PMFBP1: variants seen among roughly 807,000 people sequenced by gnomAD.
PMFBP1 encodes the protein polyamine-modulated factor 1-binding protein 1.
In PMFBP1, 131 loss-of-function variants were observed where a neutral mutation model predicts 137.8. That is an observed-to-expected ratio of 0.95 (90% CI 0.82 to 1.10). The LOEUF is 1.10. PMFBP1 is among the 50% of genes least tolerant of loss of function. The probability of loss-of-function intolerance (pLI) is 0.00; values close to 1 mark genes in which losing one functional copy is unlikely to be tolerated. For synonymous variants in PMFBP1, 490 were observed against 450.4 expected, an observed-to-expected ratio of 1.09 and a Z score of -1.11; for missense variants, 1,199 against 1,175.4, an observed-to-expected ratio of 1.02 and a Z score of -0.29.
the PMFBP1 span, among the ~76,000 whole-genome samples, chr16:72,239,893 A>G: frequency 7.1e-6 from 1 of 141,236 alleles, no homozygotes; most frequent in South Asian, 2.1e-4. Flanking sequence ...TACAAAAAAA[A>G]AAAAAAAGAA....
At chr16:72,133,185 AT>A (rs2042574916) in intron 9 of PMFBP1, among the ~76,000 whole-genome samples, 194 bp from the exon 10 acceptor site, 1 of 151,680 alleles carries the variant, frequency 6.6e-6, no homozygotes, top group Admixed American at 6.6e-5. Flanking sequence ...TATAATTATT[AT>A]TATTGTTATT....
In PMFBP1 at chr16:72,136,397, T is replaced by C; in HGVS notation, c.1203+51A>G. On this transcript the variant is annotated intron_variant, in intron 9 of 20. Coordinates refer to ENST00000237353, the MANE Select transcript of PMFBP1 (RefSeq NM_031293.3). ...GGCAGAACCGGTTAATGCCAGGACA[T>C]GGCCTCACACCTGCCCCATTGGGAA... 1.9e-6 allele frequency: 3 copies of C among 1,582,278 alleles called. No individual in the cohort carries two copies. The South Asian group carries it at 3.5e-5, about 18-fold the overall frequency.
chr16:72,133,271 C>T (rs2042576076), intron 9 of PMFBP1, among the ~76,000 whole-genome samples: 1 of 151,938 alleles, frequency 6.6e-6, no homozygotes, highest in Non-Finnish European at 1.5e-5. Context: ...TGCAATCTCC[C>T]ATGTTCAAGC....
the PMFBP1 span, among the ~76,000 whole-genome samples, chr16:72,232,128 T>C: frequency 6.6e-6 from 1 of 152,184 alleles, no homozygotes; most frequent in Non-Finnish European, 1.5e-5. Flanking sequence ...GCTGTGACTA[T>C]AATGTTCACT....
the PMFBP1 span, among the ~76,000 whole-genome samples, chr16:72,249,243 G>C: frequency 0.089 from 13,552 of 151,920 alleles, 1,691 homozygotes; most frequent in African/African-American, 0.28. Flanking sequence ...CTGCCTGTAA[G>C]TTGAGTAGAG....
chr16:72,201,672 CACA>C, the PMFBP1 span, among the ~76,000 whole-genome samples: 9 of 152,350 alleles, frequency 5.9e-5, no homozygotes, highest in East Asian at 1.2e-3. Flanking sequence ...TATATTCAAT[CACA>C]ACATTTACCT....
chr16:72,123,630 C>T lies in PMFBP1; in HGVS notation c.2609G>A (p.Trp870Ter). ...DDKEPCCLPQ[W>*]SVPKDTCRLY... ...CCTACAGGTGTCTTTGGGCACAGAC[C>T]ACTGGGGCAGGCAGCAGGGCTTGGG... Residue 870 changes from tryptophan (W) to a stop codon, truncating the protein, a stop_gained, in exon 18 of 21, where the codon TGG becomes TAG. Coordinates refer to ENST00000237353, the MANE Select transcript of PMFBP1 (RefSeq NM_031293.3). LOFTEE classifies it high-confidence loss of function. 6.2e-7 allele frequency: 1 copy of T among 1,613,884 alleles called. No individual in the cohort carries two copies. Among genetic ancestry groups the T allele is most frequent in the Non-Finnish European group, 8.5e-7 (1 of 1,179,818 alleles).
chr16:72,241,831 C>G, the PMFBP1 span, among the ~76,000 whole-genome samples: 1 of 152,148 alleles, frequency 6.6e-6, no homozygotes, highest in South Asian at 2.1e-4. Context: ...AATTCATACC[C>G]CCAAATGGCT....
the PMFBP1 span, among the ~76,000 whole-genome samples, chr16:72,186,535 A>G: frequency 6.6e-6 from 1 of 152,146 alleles, no homozygotes; most frequent in Non-Finnish European, 1.5e-5. Context: ...TAGAGGCAAC[A>G]GGGAGCCATG....
At chr16:72,176,622 C>T (rs911129320), upstream of PMFBP1, among the ~76,000 whole-genome samples, 5 of 152,204 alleles carry the variant, frequency 3.3e-5, no homozygotes, top group African/African-American at 1.2e-4. Context: ...GGTGTTCCAC[C>T]AGCCATCTGG....
At chr16:72,229,026 C>T in the PMFBP1 span, among the ~76,000 whole-genome samples, 3 of 151,878 alleles carry the variant, frequency 2.0e-5, no homozygotes, top group Non-Finnish European at 2.9e-5. Context: ...CTCAAGTAAG[C>T]CCAATGTCTA....
At chr16:72,156,942 C>T (rs1323080963) in intron 3 of PMFBP1, among the ~76,000 whole-genome samples, 1 of 151,776 alleles carries the variant, frequency 6.6e-6, no homozygotes, top group Middle Eastern at 3.4e-3. Context: ...AATCCCAGCA[C>T]TTTGGGAGGC....
the PMFBP1 span, among the ~76,000 whole-genome samples, chr16:72,182,619 A>G: frequency 6.6e-6 from 1 of 152,206 alleles, no homozygotes; most frequent in Non-Finnish European, 1.5e-5. Flanking sequence ...TTATTAATTC[A>G]AAAGTGCTGA....
At chr16:72,196,899 G>T in the PMFBP1 span, among the ~76,000 whole-genome samples, 4 of 152,308 alleles carry the variant, frequency 2.6e-5, no homozygotes, top group East Asian at 7.7e-4. Context: ...TTGCTGATAG[G>T]CTCTACAATC....
intron 19 of PMFBP1, among the ~76,000 whole-genome samples, chr16:72,121,471 T>C (rs1452160264): frequency 6.6e-6 from 1 of 152,206 alleles, no homozygotes; most frequent in African/African-American, 2.4e-5. Flanking sequence ...AACTCAGCCA[T>C]GTACCTAAGG....
chr16:72,175,739 G>C (rs1386541498), upstream of PMFBP1, among the ~76,000 whole-genome samples: 1 of 152,082 alleles, frequency 6.6e-6, no homozygotes, highest in East Asian at 1.9e-4. Context: ...CTTATGTTGG[G>C]CTTTAGATTT....
At chr16:72,200,686 T>C in the PMFBP1 span, among the ~76,000 whole-genome samples, 6 of 152,374 alleles carry the variant, frequency 3.9e-5, no homozygotes, top group East Asian at 7.7e-4. Context: ...CGTTAATCTA[T>C]AGTCAAGGAA....
chr16:72,130,504 T>C (rs2042533729), intron 11 of PMFBP1, 29 bp downstream of exon 11: 7 of 1,612,808 alleles, frequency 4.3e-6, no homozygotes, highest in African/African-American at 2.7e-5. Flanking sequence ...ACAGAACCTC[T>C]CTCTGGAGGG....
chr16:72,219,522 C>G, the PMFBP1 span, among the ~76,000 whole-genome samples: 1 of 150,266 alleles, frequency 6.7e-6, no homozygotes, highest in South Asian at 2.1e-4. Flanking sequence ...AGACTGATGT[C>G]TGGTGCCTAC....
Sources: allele counts gnomAD v4.1 joint callset (sites outside exome capture counted in the v4.1 genomes callset), GRCh38; gene constraint gnomAD v4.1.1; transcripts MANE v1.5; gene names NCBI Gene and HGNC (gene_info 2026-07-23, HGNC 2026-07-21).